HERC3: variants seen among roughly 807,000 people sequenced by gnomAD.
HERC3 encodes HECT and RLD domain containing E3 ubiquitin protein ligase 3.
HERC3 carries 58 observed loss-of-function variants against 129.9 expected under a neutral mutation model. The ratio of observed to expected loss-of-function variants is 0.45; its 90% CI spans 0.36 to 0.56. The LOEUF (loss-of-function observed/expected upper bound fraction) is 0.56, where lower values mean the gene tolerates loss of function less well. Ranked by LOEUF, HERC3 falls within the 20% of genes least tolerant of loss-of-function variation. The pLI, the probability that HERC3 is intolerant of heterozygous loss-of-function variation, is 0.00. For synonymous variants in HERC3, 430 were observed against 451.0 expected (o/e 0.95, Z 0.59); for missense variants, 835 against 1,244.2 (o/e 0.67, Z 4.95).
intron 3 of HERC3, among the ~76,000 whole-genome samples, chr4:88,612,289 C>CTGTG (rs3220740): frequency 0.032 from 4,547 of 141,640 alleles, 123 homozygotes; most frequent in African/African-American, 0.075. Context: ...ATGTGACCAA[C>CTGTG]TGTGTGTGTG....
the HERC3 span, among the ~76,000 whole-genome samples, chr4:88,546,388 T>C: frequency 6.6e-6 from 1 of 152,334 alleles, no homozygotes; most frequent in African/African-American, 2.4e-5. Flanking sequence ...TAGTGCTATC[T>C]ATATGCCAGG....
chr4:88,680,797 T>C (rs1357276222), intron 20 of HERC3, among the ~76,000 whole-genome samples: 2 of 152,244 alleles, frequency 1.3e-5, no homozygotes, highest in Non-Finnish European at 2.9e-5. Flanking sequence ...CAAAGATTCA[T>C]TTGCTCCATA....
chr4:88,605,730 T>A, intron 2 of HERC3, 65 bp from the exon 3 acceptor site: 1 of 897,974 alleles, frequency 1.1e-6, no homozygotes, highest in Non-Finnish European at 1.7e-6. Flanking sequence ...GTTACATTCA[T>A]TACTTGATTT....
chr4:88,675,175 A>G (rs1041789075), intron 16 of HERC3, among the ~76,000 whole-genome samples: 2 of 152,164 alleles, frequency 1.3e-5, no homozygotes, highest in African/African-American at 2.4e-5. Context: ...TCCACTGCCC[A>G]TCTGGCTGGG....
intron 3 of HERC3, among the ~76,000 whole-genome samples, chr4:88,623,300 T>A (rs1279754893): frequency 6.6e-6 from 1 of 152,260 alleles, no homozygotes; most frequent in Non-Finnish European, 1.5e-5. Flanking sequence ...GATTCCACTC[T>A]GGGCGTTGCC....
At chr4:88,613,710 G>C (rs1332661450) in intron 3 of HERC3, among the ~76,000 whole-genome samples, 1 of 152,222 alleles carries the variant, frequency 6.6e-6, no homozygotes, top group Non-Finnish European at 1.5e-5. Flanking sequence ...ATAAAAGGCA[G>C]AATGTGCCAT....
At chr4:88,599,243 T>TG (rs1352392860) in intron 2 of HERC3, among the ~76,000 whole-genome samples, 6 of 152,228 alleles carry the variant, frequency 3.9e-5, no homozygotes, top group Non-Finnish European at 8.8e-5. Flanking sequence ...ACTTCTCTCC[T>TG]GAAAGCTAGA....
At chr4:88,533,993 T>C in the HERC3 span, among the ~76,000 whole-genome samples, 1 of 152,134 alleles carries the variant, frequency 6.6e-6, no homozygotes, top group Non-Finnish European at 1.5e-5. Flanking sequence ...CATTCCTCCT[T>C]CTTCTCCACT....
chr4:88,680,362 A>G, intron 20 of HERC3, 126 bp downstream of exon 20: 1 of 650,130 alleles, frequency 1.5e-6, no homozygotes, highest in Non-Finnish European at 2.4e-6. Context: ...CAAAATGTTT[A>G]TAAGTAATTA....
chr4:88,528,427 T>G, the HERC3 span, among the ~76,000 whole-genome samples: 1 of 152,172 alleles, frequency 6.6e-6, no homozygotes, highest in Non-Finnish European at 1.5e-5. Flanking sequence ...CTTGGACATT[T>G]TTTTAGACAT....
chr4:88,655,834 T>C lies in HERC3; in HGVS notation c.909-41T>C, dbSNP rs138394673. 2.3e-3 allele frequency: 3,590 copies of C among 1,578,248 alleles called. 164 individuals are homozygous for C. In the Admixed American group the frequency reaches 0.059, roughly 26 times the overall value. The stretch of plus-strand genomic sequence containing the variant: ...TCAGAGTCAGAGTGTACATCCACAT[T>C]AGTAGAAACTATGCTGATGAGTTAA... On this transcript the variant is annotated intron_variant, in intron 8 of 25. Transcript: ENST00000402738.
intron 11 of HERC3, among the ~76,000 whole-genome samples, chr4:88,663,011 A>C (rs568237887): frequency 4.6e-5 from 7 of 152,120 alleles, no homozygotes; most frequent in Admixed American, 6.6e-5. Context: ...AAAAAAAAAA[A>C]AACAACAGTA....
chr4:88,625,009 G>A (rs1008472593), intron 3 of HERC3, among the ~76,000 whole-genome samples: 1 of 152,166 alleles, frequency 6.6e-6, no homozygotes, highest in Non-Finnish European at 1.5e-5. Flanking sequence ...ACAGTTGGCT[G>A]TGTGTGCTCG....
At chr4:88,704,360 C>A in intron 24 of HERC3, 79 bp downstream of exon 24, 2 of 1,461,520 alleles carry the variant, frequency 1.4e-6, no homozygotes, top group South Asian at 2.4e-5. Context: ...AGAGCCTGGT[C>A]TCGTTCCAAG....
At chr4:88,641,077 T>G (rs1023533639) in intron 3 of HERC3, among the ~76,000 whole-genome samples, 5 of 152,114 alleles carry the variant, frequency 3.3e-5, no homozygotes, top group African/African-American at 1.2e-4. Context: ...ATGAACAAAT[T>G]TTAAAGGATT....
At chr4:88,648,687 G>A (rs1728948419) in intron 3 of HERC3, among the ~76,000 whole-genome samples, 2 of 151,990 alleles carry the variant, frequency 1.3e-5, no homozygotes, top group Non-Finnish European at 2.9e-5. Flanking sequence ...ATTATTCTGG[G>A]CACTTAATAG....
intron 21 of HERC3, among the ~76,000 whole-genome samples, chr4:88,685,293 C>T (rs1733298611): frequency 6.6e-6 from 1 of 152,166 alleles, no homozygotes; most frequent in African/African-American, 2.4e-5. Flanking sequence ...GACACATGCA[C>T]ACACGTATGT....
chr4:88,671,224 TTTGGTTA>T (rs1156612696), intron 16 of HERC3, among the ~76,000 whole-genome samples: 2 of 152,042 alleles, frequency 1.3e-5, no homozygotes, highest in Non-Finnish European at 2.9e-5. Flanking sequence ...AGAATGATAA[TTTGGTTA>T]TTGTATTTTG....
At chr4:88,528,124 C>G in the HERC3 span, 1 of 239,604 alleles carries the variant, frequency 4.2e-6, no homozygotes, top group Middle Eastern at 1.5e-3. Flanking sequence ...TTTGCACTGA[C>G]CCCAAACAGC....
Sources: allele counts gnomAD v4.1 joint callset (sites outside exome capture counted in the v4.1 genomes callset), GRCh38; gene constraint gnomAD v4.1.1; transcripts MANE v1.5; gene names NCBI Gene and HGNC (gene_info 2026-07-23, HGNC 2026-07-21).